Variants in NOP2 observed in about 807,000 individuals in gnomAD.
NOP2 encodes the protein NOP2 nucleolar protein, also known as 28S rRNA (cytosine(4447)-C(5))-methyltransferase.
A neutral mutation model predicts 72.7 loss-of-function variants in NOP2; 7 were observed. The ratio of observed to expected loss-of-function variants is 0.10; its 90% CI spans 0.05 to 0.18. The LOEUF is 0.18. NOP2 is among the 10% of genes least tolerant of loss of function. The pLI is 1.00. For synonymous variants in NOP2, 387 were observed against 388.0 expected, an observed-to-expected ratio of 1.00 and a Z score of 0.03; for missense variants, 954 against 1,014.7, an observed-to-expected ratio of 0.94 and a Z score of 0.81.
chr12:6,561,667 T>G lies in NOP2; in HGVS notation c.1204A>C (p.Met402Leu), dbSNP rs1947653103. The G allele has an allele frequency of 6.2e-7, 1 of 1,613,552 alleles. No homozygotes were observed. The highest frequency in any genetic ancestry group is 8.5e-7 in the Non-Finnish European group (1 of 1,179,746). ...CCAPGGKTSY[M>L]AQLMKNTGVI... ...CACCTGCCTGCCCCTCTCATACCCA[T>G]GTAGCTGGTCTTTCCTCCAGGGGCA... Residue 402 changes from methionine to leucine, a missense_variant, in exon 11 of 16, where the codon ATG (methionine) becomes CTG (leucine). Transcript: ENST00000322166.
intron 9 of NOP2, among the ~76,000 whole-genome samples, chr12:6,562,628 CATTACATTATT>C (rs1947679587): frequency 6.6e-6 from 1 of 152,196 alleles, no homozygotes; most frequent in Admixed American, 6.5e-5. Flanking sequence ...GGTTATACCA[CATTACATTATT>C]AGGTTTTCTT....
chr12:6,564,591 C>A (rs1947731866), intron 5 of NOP2, among the ~76,000 whole-genome samples: 1 of 152,006 alleles, frequency 6.6e-6, no homozygotes, highest in Non-Finnish European at 1.5e-5. Flanking sequence ...CCATGCCCAG[C>A]TAATTTTTTG....
chr12:6,562,245 C>T (rs750757747), intron 9 of NOP2, among the ~76,000 whole-genome samples: 1 of 152,160 alleles, frequency 6.6e-6, no homozygotes, highest in Admixed American at 6.5e-5. Flanking sequence ...CCGCCTCGGC[C>T]TCCCAAAGTG....
In NOP2 at chr12:6,568,264, G is replaced by T; in HGVS notation, c.-62C>A. On this transcript the variant is annotated 5_prime_UTR_variant, in exon 1 of 16. Transcript: ENST00000322166. ...CGGGCGGCCCTCCACGTGCAATCCGGACCTAGCTTTCGGCCGGCACTCGCC... is the reference window on the plus strand; with the variant it reads ...CGGGCGGCCCTCCACGTGCAATCCGTACCTAGCTTTCGGCCGGCACTCGCC... 1 of 217,792 alleles carries T rather than the reference G, an allele frequency of 4.6e-6. No homozygotes were observed. Among genetic ancestry groups the T allele is most frequent in the South Asian group, 8.0e-5 (1 of 12,538 alleles). 13.5% of individuals were successfully genotyped at this position (217,792 alleles called of 1,614,324 possible).
intron 5 of NOP2, among the ~76,000 whole-genome samples, chr12:6,565,409 C>A: frequency 6.6e-6 from 1 of 151,872 alleles, no homozygotes; most frequent in East Asian, 1.9e-4. Flanking sequence ...GGCATGATCT[C>A]GGCTCACTGC....
intron 9 of NOP2, 27 bp downstream of exon 9, chr12:6,563,054 G>A (rs368498096): frequency 1.3e-6 from 2 of 1,554,968 alleles, no homozygotes; most frequent in Non-Finnish European, 1.7e-6. Flanking sequence ...CTTCTGAGAT[G>A]AGTGAGCCTC....
intron 9 of NOP2, 140 bp downstream of exon 9, chr12:6,562,938 ACAT>A: frequency 1.3e-6 from 1 of 762,102 alleles, no homozygotes; most frequent in East Asian, 2.7e-5. Flanking sequence ...CCTGCCAGAG[ACAT>A]CAGGCCTCTG....
Position 6,560,630 on chromosome 12 carries a change from C to T in NOP2, c.1438-61G>A. The T allele has an allele frequency of 6.2e-7, 1 of 1,609,326 alleles. No homozygotes were observed. Among genetic ancestry groups the T allele is most frequent in the Non-Finnish European group, 8.5e-7 (1 of 1,176,610 alleles). ...GGAGAGGGGAGCCCAGAGGGTGTCC[C>T]CATCTCAGTTTCCAGCTCTACGAGA... On this transcript the variant is annotated intron_variant, in intron 13 of 15. Transcript: ENST00000322166. This position sits in a 1 kb window ranked among gnomAD's most constrained non-coding sequence, Gnocchi z 5.0.
intron 15 of NOP2, chr12:6,558,012 A>G (rs894935451): frequency 5.8e-6 from 2 of 341,908 alleles, no homozygotes; most frequent in Non-Finnish European, 1.1e-5. Context: ...ATGGTGGTAC[A>G]CACCTGTAAT....
intron 5 of NOP2, 49 bp downstream of exon 5, chr12:6,566,052 A>C (rs1347118437): frequency 6.8e-7 from 1 of 1,469,638 alleles, no homozygotes; most frequent in Non-Finnish European, 9.4e-7. Context: ...TGGGAAAGAA[A>C]CTAAATAGCA....
chr12:6,557,263 T>C lies in NOP2; in HGVS notation c.2169A>G (p.Thr723=). ...ATAACACAGCCGGTGTTTGTGTGTC[T>C]GTGCCCTTGGGAGGGGCATTCTGCC... ...FLRQNAPPKG[T]DTQTPAVLSP... Residue 723 remains threonine (T), a synonymous_variant, in exon 16 of 16, where the codon ACA becomes ACG. Transcript: ENST00000322166. 6.2e-7 allele frequency: 1 copy of C among 1,614,052 alleles called. No individual in the cohort carries two copies. Among genetic ancestry groups the C allele is most frequent in the Non-Finnish European group, 8.5e-7 (1 of 1,179,906 alleles).
Position 6,560,744 on chromosome 12 carries a change from C to T in NOP2, c.1391G>A (p.Ser464Asn). 1 of 1,613,614 alleles carries T rather than the reference C, an allele frequency of 6.2e-7. No individual in the cohort carries two copies. The highest frequency in any genetic ancestry group is 8.5e-7 in the Non-Finnish European group (1 of 1,179,742). The change falls in exon 13 of 16, where the codon AGT (serine) becomes AAT (asparagine). Residue 464 changes from serine to asparagine, a missense_variant. Ser to Asn is a conservative substitution (Grantham distance 46, BLOSUM62 1). This residue lies in a region of NOP2 where 187 missense variants were observed against 276.2 expected (regional missense o/e 0.68). Coordinates refer to ENST00000322166, the MANE Select transcript of NOP2 (RefSeq NM_001258308.2). This position sits in a 1 kb window ranked among gnomAD's most constrained non-coding sequence, Gnocchi z 5.0. ...FDRVLLDAPC[S>N]GTGVISKDPA... Reference sequence around the variant, plus strand: ...ATCCTTGGAGATGACCCCAGTGCCACTGCAGGGAGCATCCAGCAGTACTCG... The same window carrying T: ...ATCCTTGGAGATGACCCCAGTGCCATTGCAGGGAGCATCCAGCAGTACTCG...
intron 8 of NOP2, 54 bp downstream of exon 8, chr12:6,563,261 A>G: frequency 6.5e-7 from 1 of 1,538,178 alleles, no homozygotes; most frequent in Non-Finnish European, 8.8e-7. Context: ...TTCCTTACAC[A>G]GCGTAAGGAG....
chr12:6,563,860 A>G (rs1947711749), intron 6 of NOP2, 31 bp downstream of exon 6: 6 of 1,613,368 alleles, frequency 3.7e-6, no homozygotes, highest in African/African-American at 2.7e-5. Flanking sequence ...GTGGCTTCCT[A>G]TGCTCCATCC....
At chr12:6,562,291 G>A (rs1300215965) in intron 9 of NOP2, among the ~76,000 whole-genome samples, 1 of 152,154 alleles carries the variant, frequency 6.6e-6, no homozygotes, top group African/African-American at 2.4e-5. Flanking sequence ...GCGCCCGGTA[G>A]GGATGAAGAT....
chr12:6,557,256 G>C lies in NOP2; in HGVS notation c.2176C>G (p.Gln726Glu), dbSNP rs750948336. The C allele has an allele frequency of 1.5e-5, 24 of 1,613,928 alleles. No individual in the cohort carries two copies. Among genetic ancestry groups the C allele is most frequent in the Non-Finnish European group, 1.7e-5 (20 of 1,179,910 alleles). The change falls in exon 16 of 16, where the codon CAA becomes GAA. Residue 726 changes from glutamine to glutamate, a missense_variant. This residue lies in a region of NOP2 where 269 missense variants were observed against 260.2 expected (regional missense o/e 1.03). Transcript: ENST00000322166. ...GATGGGGATAACACAGCCGGTGTTT[G>C]TGTGTCTGTGCCCTTGGGAGGGGCA... is the stretch of plus-strand genomic sequence containing the variant. ...QNAPPKGTDT[Q>E]TPAVLSPSKT...
Position 6,563,384 on chromosome 12 carries a change from A to C in NOP2, c.819T>G (p.Asp273Glu). The change falls in exon 8 of 16, where the codon GAT (aspartate) becomes GAG (glutamate). Residue 273 changes from aspartate (D) to glutamate (E), a missense_variant. Physicochemically the swap from Asp to Glu is conservative, Grantham distance 45 (BLOSUM62 2). This residue lies in a region of NOP2 where 498 missense variants were observed against 478.3 expected (regional missense o/e 1.04). Transcript: ENST00000322166. ...RSEYLNRLKK[D>E]LAIYYSYGDF... ...CTCCATAGGAGTAGTAAATGGCCAG[A>C]TCCTTCTTGAGCCGGTTCAGGTATT... 1 of 1,605,418 alleles carries C rather than the reference A, an allele frequency of 6.2e-7. No individual in the cohort carries two copies.
chr12:6,564,258 AG>A (rs1256179864), intron 5 of NOP2: 18 of 246,808 alleles, frequency 7.3e-5, no homozygotes, highest in South Asian at 3.6e-4. Context: ...CCTGGGCAAC[AG>A]AGAAAGACTT....
intron 2 of NOP2, 113 bp downstream of exon 2, chr12:6,567,703 T>C: frequency 2.5e-6 from 2 of 811,592 alleles, no homozygotes; most frequent in East Asian, 2.7e-5. Flanking sequence ...TAGTAACTCA[T>C]ACAGAGAAGA....
Sources: allele counts gnomAD v4.1 joint callset (sites outside exome capture counted in the v4.1 genomes callset), GRCh38; gene constraint gnomAD v4.1.1; regional missense constraint gnomAD v4.1.1; non-coding constraint Gnocchi (gnomAD v3.1); transcripts MANE v1.5; gene names NCBI Gene and HGNC (gene_info 2026-07-23, HGNC 2026-07-21).